NSMAF: variants seen among roughly 807,000 people sequenced by gnomAD.
NSMAF encodes protein FAN.
In NSMAF, 90 loss-of-function variants were observed where a neutral mutation model predicts 134.9. The ratio of observed to expected loss-of-function variants is 0.67; its 90% CI spans 0.56 to 0.79. NSMAF has a LOEUF of 0.79. Ranked by LOEUF, NSMAF falls within the 30% of genes least tolerant of loss-of-function variation. The pLI, the probability that NSMAF is intolerant of heterozygous loss-of-function variation, is 0.00. For missense variants in NSMAF, 1,010 were observed against 1,119.0 expected (o/e 0.90, Z 1.39); for synonymous variants, 358 against 389.6 (o/e 0.92, Z 0.96).
At chr8:58,620,048 TAAAC>T (rs1453226111) in intron 9 of NSMAF, among the ~76,000 whole-genome samples, 1 of 152,088 alleles carries the variant, frequency 6.6e-6, no homozygotes, top group Non-Finnish European at 1.5e-5. Context: ...TATAAGGCAA[TAAAC>T]AAGTAAGAGA....
chr8:58,591,785 C>A (rs951761317), intron 23 of NSMAF, among the ~76,000 whole-genome samples: 1 of 152,010 alleles, frequency 6.6e-6, no homozygotes, highest in Non-Finnish European at 1.5e-5. Flanking sequence ...CTGTGCCCGG[C>A]CTCAAAACAA....
chr8:58,588,521 T>G, intron 26 of NSMAF: 22 of 1,217,698 alleles, frequency 1.8e-5, no homozygotes, highest in Non-Finnish European at 2.6e-5. Flanking sequence ...CTGACTACTT[T>G]GCTGTGAATT....
intron 23 of NSMAF, among the ~76,000 whole-genome samples, chr8:58,592,802 G>A (rs1209326667): frequency 6.6e-6 from 1 of 151,906 alleles, no homozygotes; most frequent in Admixed American, 6.6e-5. Context: ...CGGGAGAATC[G>A]CTTGAACCCA....
Position 58,585,935 on chromosome 8 carries a change from T to A in NSMAF, c.2512A>T (p.Met838Leu). Residue 838 changes from methionine to leucine, a missense_variant, in exon 29 of 31, where the codon ATG becomes TTG. Physicochemically the swap from Met to Leu is conservative, Grantham distance 15. Transcript: ENST00000038176. ...CLNVIDVQTG[M>L]LISSMTSDEP... ...TCTGATGTCATGGAGGAGATGAGCA[T>A]TCCTGTCTGCACATCAATGACATTA... 1 of 1,614,066 alleles carries A rather than the reference T, an allele frequency of 6.2e-7. No homozygotes were observed. The highest frequency in any genetic ancestry group is 8.5e-7 in the Non-Finnish European group (1 of 1,179,986).
At chr8:58,643,934 A>T (rs1378529394) in intron 1 of NSMAF, among the ~76,000 whole-genome samples, 2 of 152,262 alleles carry the variant, frequency 1.3e-5, no homozygotes, top group Non-Finnish European at 2.9e-5. Flanking sequence ...ATTGAAATAT[A>T]GTTCTTTTTA....
At chr8:58,595,418 T>G in intron 22 of NSMAF, 142 bp downstream of exon 22, 5 of 596,064 alleles carry the variant, frequency 8.4e-6, no homozygotes, top group Non-Finnish European at 9.0e-6. Flanking sequence ...ACTATAGACA[T>G]TTTGGGGAGA....
At chr8:58,592,600 T>C (rs969333018) in intron 23 of NSMAF, among the ~76,000 whole-genome samples, 9 of 152,120 alleles carry the variant, frequency 5.9e-5, no homozygotes, top group African/African-American at 9.7e-5. Context: ...ATTTTTAAAC[T>C]CTCTCGGCCG....
At chr8:58,618,624 C>G (rs7006937) in intron 9 of NSMAF, among the ~76,000 whole-genome samples, 47,224 of 151,610 alleles carry the variant, frequency 0.31, 7,764 homozygotes, top group Non-Finnish European at 0.35. Context: ...CACACACACA[C>G]AGAGCAACAA....
intron 1 of NSMAF, 34 bp downstream of exon 1, chr8:58,659,539 C>A (rs775836656): frequency 1.3e-6 from 2 of 1,523,782 alleles, no homozygotes; most frequent in Non-Finnish European, 1.8e-6. Flanking sequence ...CCGACTAGGC[C>A]CCCGGCTGGG....
Position 58,642,978 on chromosome 8 carries a change from C to T in NSMAF, c.149+6G>A, listed in dbSNP as rs752416463. On this transcript the variant is annotated splice_donor_region_variant and intron_variant, in intron 2 of 30. Transcript: ENST00000038176. ...TTTGTCCAAGGAGATACCGAAGCTT[C>T]CTTACCTTTCATGGTGACTGCCCTT... The T allele has an allele frequency of 1.9e-6, 3 of 1,605,812 alleles. No individual in the cohort carries two copies. The East Asian group carries it at 6.7e-5, about 36-fold the overall frequency.
At chr8:58,614,953 A>G (rs1286989333) in intron 9 of NSMAF, among the ~76,000 whole-genome samples, 10 of 152,162 alleles carry the variant, frequency 6.6e-5, no homozygotes, top group Non-Finnish European at 2.9e-5. Flanking sequence ...TAAAGTATAT[A>G]TATTTTTTAA....
In NSMAF at chr8:58,620,891, C is replaced by A. The variant is rs1806775463; in HGVS notation, c.557+2329G>T. Among the ~76,000 whole-genome samples, 3 of 152,152 alleles carry A rather than the reference C, an allele frequency of 2.0e-5. No individual in the cohort carries two copies. The South Asian group carries it at 6.2e-4, about 31-fold the overall frequency. Reference sequence around the variant, plus strand: ...TTCATTCACTGTAATATACCATACTCTGTGGATGCAAGAGACCAGACAAGT... The same window carrying A: ...TTCATTCACTGTAATATACCATACTATGTGGATGCAAGAGACCAGACAAGT... On this transcript the variant is annotated intron_variant, in intron 9 of 30. Coordinates refer to ENST00000038176, the MANE Select transcript of NSMAF (RefSeq NM_003580.4).
intron 19 of NSMAF, 115 bp downstream of exon 19, chr8:58,599,117 T>C: frequency 1.0e-6 from 1 of 984,054 alleles, no homozygotes; most frequent in East Asian, 2.4e-5. Flanking sequence ...GAAATAAGAC[T>C]AATTGCTTTG....
At chr8:58,642,471 T>C (rs1807357997) in intron 2 of NSMAF, among the ~76,000 whole-genome samples, 7 of 152,238 alleles carry the variant, frequency 4.6e-5, no homozygotes, top group Admixed American at 3.9e-4. Context: ...ATCTTGCTTC[T>C]AGTTCAAATC....
At chr8:58,652,160 G>GA (rs141379793) in intron 1 of NSMAF, among the ~76,000 whole-genome samples, 2,571 of 150,654 alleles carry the variant, frequency 0.017, 73 homozygotes, top group African/African-American at 0.058. Context: ...GATAGATGAA[G>GA]AAAAAAAAAT....
In NSMAF at chr8:58,601,203, T is replaced by A. The variant is rs893941784; in HGVS notation, c.1280+82A>T. Reference sequence around the variant, plus strand: ...TTTACATTTCTTTACTTTTTTATTATATCCAGTGCTTTGAAACAAGTATGT... The same window carrying A: ...TTTACATTTCTTTACTTTTTTATTAAATCCAGTGCTTTGAAACAAGTATGT... On this transcript the variant is annotated intron_variant, in intron 16 of 30. Transcript: ENST00000038176. 5.2e-6 allele frequency: 6 copies of A among 1,157,358 alleles called. No individual in the cohort carries two copies. In the East Asian group the frequency reaches 1.5e-4, roughly 28 times the overall value. The allele number at this position is 1,157,358 out of a possible 1,614,324, so 71.7% of individuals were successfully genotyped here. A position where few individuals can be genotyped will look rare whatever the true frequency, so the allele number is the denominator to read the frequency against.
chr8:58,626,580 A>G (rs1806936367), intron 6 of NSMAF, among the ~76,000 whole-genome samples: 1 of 152,194 alleles, frequency 6.6e-6, no homozygotes, highest in East Asian at 1.9e-4. Context: ...TCCATGGTGT[A>G]TATATATAGG....
chr8:58,651,715 CAAAT>C (rs1279046173), intron 1 of NSMAF, among the ~76,000 whole-genome samples: 11 of 152,124 alleles, frequency 7.2e-5, no homozygotes, highest in Non-Finnish European at 1.5e-4. Context: ...AAGGAACAAA[CAAAT>C]AAAAAATCAA....
At chr8:58,628,318 T>C (rs1806982889) in intron 6 of NSMAF, among the ~76,000 whole-genome samples, 1 of 152,206 alleles carries the variant, frequency 6.6e-6, no homozygotes, top group Admixed American at 6.5e-5. Context: ...TTCTTTAGTG[T>C]ATCTTCTATA....
Sources: gnomAD v4.1 joint callset for allele counts (sites outside exome capture counted in the v4.1 genomes callset) on GRCh38, gnomAD v4.1.1 for gene constraint, MANE v1.5 for transcripts, NCBI Gene and HGNC (gene_info 2026-07-23, HGNC 2026-07-21) for gene names.